Variants in MAST4 observed in about 807,000 individuals in gnomAD.
MAST4 encodes the protein microtubule associated serine/threonine kinase family member 4.
In MAST4, 89 loss-of-function variants were observed where a neutral mutation model predicts 162.7. The ratio of observed to expected loss-of-function variants is 0.55; its 90% CI spans 0.46 to 0.65. The LOEUF (loss-of-function observed/expected upper bound fraction) is 0.65. MAST4 is among the 30% of genes least tolerant of loss of function. The pLI, the probability that MAST4 is intolerant of heterozygous loss-of-function variation, is 0.00. For missense variants in MAST4, 3,153 were observed against 3,374.0 expected (o/e 0.93, Z 1.62); for synonymous variants, 1,479 against 1,361.1 (o/e 1.09, Z -1.91).
At chr5:66,849,528 A>T (rs189210643) in intron 3 of MAST4, among the ~76,000 whole-genome samples, 149 of 151,526 alleles carry the variant, frequency 9.8e-4, no homozygotes, top group African/African-American at 3.5e-3. Context: ...CCTGGAGTTC[A>T]CTTGAGCATT....
chr5:67,061,252 G>A (rs920602538), intron 5 of MAST4, among the ~76,000 whole-genome samples: 1 of 152,130 alleles, frequency 6.6e-6, no homozygotes, highest in Non-Finnish European at 1.5e-5. Context: ...GTACAGTGTT[G>A]AAGAGTCCAT....
intron 1 of MAST4, among the ~76,000 whole-genome samples, chr5:66,706,472 C>T (rs1005101709): frequency 3.3e-5 from 5 of 151,764 alleles, no homozygotes; most frequent in African/African-American, 1.2e-4. Flanking sequence ...ACACATTATC[C>T]TATATGTTCT....
intron 3 of MAST4, among the ~76,000 whole-genome samples, chr5:66,824,668 G>A (rs1030986064): frequency 1.3e-5 from 2 of 152,332 alleles, no homozygotes; most frequent in East Asian, 3.9e-4. Flanking sequence ...ACAAGGACAT[G>A]TTCTGAGAAA....
chr5:66,896,461 A>G (rs1384352755), intron 3 of MAST4, among the ~76,000 whole-genome samples: 2 of 152,176 alleles, frequency 1.3e-5, no homozygotes, highest in African/African-American at 4.8e-5. Context: ...GTGAGTCACT[A>G]GGTCCCAGCC....
At chr5:67,143,721 G>C (rs1051090026) in intron 21 of MAST4, among the ~76,000 whole-genome samples, 2 of 152,244 alleles carry the variant, frequency 1.3e-5, no homozygotes, top group Non-Finnish European at 2.9e-5. Flanking sequence ...GTGGTAGCCA[G>C]TCTGTCCTAG....
intron 4 of MAST4, among the ~76,000 whole-genome samples, chr5:66,914,928 G>C (rs568077972): frequency 7.9e-5 from 12 of 152,210 alleles, no homozygotes; most frequent in Admixed American, 2.0e-4. Context: ...TATCAGTAGT[G>C]CTGAGGATGA....
At chr5:66,880,022 G>A (rs1400804958) in intron 3 of MAST4, among the ~76,000 whole-genome samples, 1 of 152,158 alleles carries the variant, frequency 6.6e-6, no homozygotes, top group African/African-American at 2.4e-5. Context: ...CAAAAGATTG[G>A]AAACAACCCA....
At chr5:66,951,917 A>C (rs546310952) in intron 4 of MAST4, among the ~76,000 whole-genome samples, 20 of 151,976 alleles carry the variant, frequency 1.3e-4, no homozygotes, top group Non-Finnish European at 2.6e-4. Flanking sequence ...ACGGTGTGCT[A>C]TCTAGGTCTC....
At chr5:66,683,073 A>C (rs1233180792) in intron 1 of MAST4, among the ~76,000 whole-genome samples, 2 of 152,188 alleles carry the variant, frequency 1.3e-5, no homozygotes, top group Non-Finnish European at 2.9e-5. Context: ...TCCATCAGGA[A>C]CAAGACCCTG....
chr5:67,025,727 G>A (rs1489128008), intron 4 of MAST4, among the ~76,000 whole-genome samples: 1 of 152,206 alleles, frequency 6.6e-6, no homozygotes, highest in African/African-American at 2.4e-5. Flanking sequence ...GTTATGTTTA[G>A]CTAGCATGTA....
chr5:66,977,164 G>A (rs898854437), intron 4 of MAST4, among the ~76,000 whole-genome samples: 4 of 152,026 alleles, frequency 2.6e-5, no homozygotes, highest in Non-Finnish European at 4.4e-5. Context: ...GCAATGGTGC[G>A]ATCTCGGCTC....
chr5:66,658,499 T>C (rs1204115077), intron 1 of MAST4, among the ~76,000 whole-genome samples: 2 of 152,222 alleles, frequency 1.3e-5, no homozygotes, highest in East Asian at 3.8e-4. Context: ...ACAATTAGCA[T>C]ATAGTTTTTC....
intron 3 of MAST4, among the ~76,000 whole-genome samples, chr5:66,897,527 G>A (rs148025144): frequency 6.6e-6 from 1 of 152,340 alleles, no homozygotes; most frequent in Non-Finnish European, 1.5e-5. Context: ...TGTTCACAAG[G>A]TCTTGGCCAC....
intron 1 of MAST4, among the ~76,000 whole-genome samples, chr5:66,751,361 A>C (rs185076013): frequency 0.013 from 1,921 of 152,328 alleles, 38 homozygotes; most frequent in African/African-American, 0.043. Flanking sequence ...CTACAGGAGG[A>C]CATTCAAACC....
intron 16 of MAST4, 81 bp downstream of exon 16, chr5:67,132,032 C>T (rs1388742229): frequency 1.4e-6 from 2 of 1,436,040 alleles, no homozygotes; most frequent in East Asian, 2.3e-5. Context: ...TTCTTTTAGT[C>T]AATGTACATT....
At chr5:67,040,119 A>G (rs535078523) in intron 4 of MAST4, among the ~76,000 whole-genome samples, 50 of 152,296 alleles carry the variant, frequency 3.3e-4, no homozygotes, top group African/African-American at 1.2e-3. Context: ...AGCCAGTGCT[A>G]TACAAGGATG....
At chr5:66,791,531 C>T (rs1755407844) in intron 3 of MAST4, among the ~76,000 whole-genome samples, 1 of 152,154 alleles carries the variant, frequency 6.6e-6, no homozygotes, top group African/African-American at 2.4e-5. Context: ...AAATTATTAG[C>T]TTGTTTACCT....
At chr5:67,114,973 G>A in intron 12 of MAST4, 1 of 150,222 alleles carries the variant, frequency 6.7e-6, no homozygotes, top group East Asian at 2.0e-4. Context: ...TTGAACCCAG[G>A]AGGTGGAGGT....
At chr5:66,676,463 CTT>C (rs10574685) in intron 1 of MAST4, among the ~76,000 whole-genome samples, 76,095 of 151,840 alleles carry the variant, frequency 0.5, 19,735 homozygotes, top group South Asian at 0.64. Flanking sequence ...CCCCAAGACT[CTT>C]TTCCTCACAA....
Sources: gnomAD v4.1 joint callset for allele counts (sites outside exome capture counted in the v4.1 genomes callset) on GRCh38, gnomAD v4.1.1 for gene constraint, MANE v1.5 for transcripts, NCBI Gene and HGNC (gene_info 2026-07-23, HGNC 2026-07-21) for gene names.